Variants in CHRM3 observed in about 807,000 individuals in gnomAD.
CHRM3 encodes cholinergic receptor muscarinic 3.
A neutral mutation model predicts 41.8 loss-of-function variants in CHRM3; 11 were observed. That is an observed-to-expected ratio of 0.26 (90% CI 0.17 to 0.44). The LOEUF is 0.44. Among genes scored for constraint, CHRM3 ranks in the 20% least tolerant of loss-of-function variants. The probability of loss-of-function intolerance (pLI) is 1.00; values close to 1 mark genes in which losing one functional copy is unlikely to be tolerated. For synonymous variants in CHRM3, 297 were observed against 301.4 expected (o/e 0.99, Z 0.15); for missense variants, 571 against 745.4 (o/e 0.77, Z 2.72).
rs1460969090 is a variant in CHRM3, at chr1:239,909,412, C to T, written c.*188C>T. On this transcript the variant is annotated 3_prime_UTR_variant, in exon 7 of 7. Coordinates refer to ENST00000676153, the MANE Select transcript of CHRM3 (RefSeq NM_001375978.1). The stretch of plus-strand genomic sequence containing the variant: ...TTAATAGAAAAAGTCAATACCAATT[C>T]AGCAAAAAGAAAAAAAAAACATACT... 1.4e-5 allele frequency: 6 copies of T among 438,660 alleles called. No individual in the cohort carries two copies. The African/African-American group carries it at 1.4e-4, about 11-fold the overall frequency. 27.2% of individuals were successfully genotyped at this position (438,660 alleles called of 1,614,324 possible). A position where few individuals can be genotyped will look rare whatever the true frequency, so the allele number is the denominator to read the frequency against.
intron 5 of CHRM3, among the ~76,000 whole-genome samples, chr1:239,740,925 A>G (rs2148494344): frequency 6.6e-6 from 1 of 152,300 alleles, no homozygotes; most frequent in East Asian, 1.9e-4. Context: ...GATATTAAAT[A>G]AATGTATCAA....
intron 5 of CHRM3, among the ~76,000 whole-genome samples, chr1:239,711,144 A>T (rs1661739756): frequency 6.6e-6 from 1 of 151,924 alleles, no homozygotes; most frequent in African/African-American, 2.4e-5. Flanking sequence ...AGATAAATAC[A>T]CATCCCTTGT....
At position 239,889,517 on chromosome 1, in the gene CHRM3, G is replaced by A. The variant is rs1678366537; in HGVS notation, c.-19-17916G>A. Among the ~76,000 whole-genome samples the A allele has an allele frequency of 2.6e-5, 4 of 152,016 alleles. No individual in the cohort carries two copies. The South Asian group carries it at 8.3e-4, about 31-fold the overall frequency. On this transcript the variant is annotated intron_variant, in intron 6 of 6. Transcript: ENST00000676153. ...ACAAGCTTCCAGCTTGCTTATCTAT[G>A]TTTGCAGCTCGATTTTTCAGGCTGC...
intron 5 of CHRM3, among the ~76,000 whole-genome samples, chr1:239,813,870 T>C (rs1321216631): frequency 1.6e-5 from 2 of 125,576 alleles, no homozygotes; most frequent in South Asian, 2.5e-4. Context: ...TGAGCCGAGA[T>C]CCCGCCACTG....
chr1:239,697,707 C>T (rs1046775222), intron 5 of CHRM3, among the ~76,000 whole-genome samples: 1 of 152,050 alleles, frequency 6.6e-6, no homozygotes, highest in African/African-American at 2.4e-5. Context: ...GAGAATTGCT[C>T]CACTACTCCA....
chr1:239,520,466 C>T (rs2148260941), intron 2 of CHRM3, among the ~76,000 whole-genome samples: 1 of 152,234 alleles, frequency 6.6e-6, no homozygotes, highest in East Asian at 1.9e-4. Context: ...CGCTTGCTCT[C>T]TCTTGCTCCC....
chr1:239,532,919 GT>G (rs1366338992), intron 2 of CHRM3, among the ~76,000 whole-genome samples: 8 of 151,826 alleles, frequency 5.3e-5, no homozygotes, highest in East Asian at 3.9e-4. Context: ...GCAATAAAAA[GT>G]TTTTTTTCTA....
chr1:239,549,161 G>T (rs1659568854), intron 3 of CHRM3, among the ~76,000 whole-genome samples: 1 of 152,060 alleles, frequency 6.6e-6, no homozygotes, highest in African/African-American at 2.4e-5. Flanking sequence ...CTGCCCCAAT[G>T]ATTCAATTAC....
At chr1:239,441,194 G>C (rs962260029) in intron 1 of CHRM3, among the ~76,000 whole-genome samples, 5 of 152,250 alleles carry the variant, frequency 3.3e-5, no homozygotes, top group African/African-American at 9.6e-5. Flanking sequence ...GAAAAAATGG[G>C]AAGGCACGCT....
intron 5 of CHRM3, among the ~76,000 whole-genome samples, chr1:239,750,018 T>A (rs1665679194): frequency 6.6e-6 from 1 of 152,224 alleles, no homozygotes; most frequent in African/African-American, 2.4e-5. Context: ...AAAGATTGAA[T>A]GTTCATTAAT....
rs369543398 is a variant in CHRM3, at chr1:239,530,198, C to T, written c.-421-15443C>T. On this transcript the variant is annotated intron_variant, in intron 2 of 6. Transcript: ENST00000676153. ...GATTACAGGCGTGAGCCACCGTGCC[C>T]GGCCCAAATTATTTTTTTTGTTACT... 1.2e-4 allele frequency among the ~76,000 whole-genome samples: 19 copies of T among 152,216 alleles called. No homozygotes were observed. The East Asian group carries it at 2.1e-3, about 17-fold the overall frequency.
chr1:239,827,897 T>G (rs191951678), intron 6 of CHRM3, among the ~76,000 whole-genome samples: 66 of 152,348 alleles, frequency 4.3e-4, no homozygotes, highest in African/African-American at 1.5e-3. Flanking sequence ...TAATGTATTT[T>G]AAATTAAAAA....
intron 1 of CHRM3, among the ~76,000 whole-genome samples, chr1:239,472,712 C>A (rs1309611104): frequency 6.7e-6 from 1 of 149,320 alleles, no homozygotes; most frequent in Non-Finnish European, 1.5e-5. Flanking sequence ...ACAACACCCA[C>A]TAGGGCCTGT....
chr1:239,863,590 A>AG (rs912333926), intron 6 of CHRM3, among the ~76,000 whole-genome samples: 21 of 152,324 alleles, frequency 1.4e-4, no homozygotes, highest in African/African-American at 5.1e-4. Flanking sequence ...CTGGTTCCTC[A>AG]GGGTCAGGCC....
chr1:239,537,994 G>A (rs188289038), intron 2 of CHRM3, among the ~76,000 whole-genome samples: 7 of 152,264 alleles, frequency 4.6e-5, no homozygotes, highest in African/African-American at 9.6e-5. Context: ...AGTCATAAGC[G>A]CTTGGCATGT....
chr1:239,700,670 C>T (rs1344467896), intron 5 of CHRM3, among the ~76,000 whole-genome samples: 2 of 152,168 alleles, frequency 1.3e-5, no homozygotes, highest in African/African-American at 2.4e-5. Context: ...CAGTCATGCA[C>T]CTGTAGCCCG....
At chr1:239,713,676 A>T (rs1036120540) in intron 5 of CHRM3, among the ~76,000 whole-genome samples, 4 of 152,136 alleles carry the variant, frequency 2.6e-5, no homozygotes, top group Non-Finnish European at 5.9e-5. Flanking sequence ...GCATTTCCCT[A>T]TATCATACTG....
At chr1:239,469,307 T>C (rs936560615) in intron 1 of CHRM3, among the ~76,000 whole-genome samples, 1 of 152,240 alleles carries the variant, frequency 6.6e-6, no homozygotes, top group Non-Finnish European at 1.5e-5. Flanking sequence ...GTATGTGAAA[T>C]TTATTAAACC....
chr1:239,653,423 G>A (rs551163243), intron 4 of CHRM3, among the ~76,000 whole-genome samples: 6 of 152,230 alleles, frequency 3.9e-5, no homozygotes, highest in African/African-American at 7.2e-5. Context: ...AGACGGAAAC[G>A]GAAGTACCAA....
Sources: allele counts gnomAD v4.1 joint callset (sites outside exome capture counted in the v4.1 genomes callset), GRCh38; gene constraint gnomAD v4.1.1; transcripts MANE v1.5; gene names NCBI Gene and HGNC (gene_info 2026-07-23, HGNC 2026-07-21).